The following SPHKAP variants were observed in gnomAD, a reference collection of about 807,000 sequenced individuals.
SPHKAP encodes SPHK1 interactor, AKAP domain containing.
SPHKAP carries 67 observed loss-of-function variants against 137.5 expected under a neutral mutation model. That is an observed-to-expected ratio of 0.49 (90% CI 0.40 to 0.60). The LOEUF (loss-of-function observed/expected upper bound fraction) is 0.60, where lower values mean the gene tolerates loss of function less well. SPHKAP is among the 20% of genes least tolerant of loss of function. SPHKAP has a pLI of 0.00. For synonymous variants in SPHKAP, 813 were observed against 785.3 expected (o/e 1.04, Z -0.59); for missense variants, 2,097 against 2,069.3 (o/e 1.01, Z -0.26).
chr2:228,071,677 T>G (rs1697010291), intron 3 of SPHKAP, among the ~76,000 whole-genome samples: 1 of 152,172 alleles, frequency 6.6e-6, no homozygotes, highest in Non-Finnish European at 1.5e-5. Flanking sequence ...GCTTCACAAA[T>G]TTCATTTTCT....
intron 4 of SPHKAP, chr2:228,025,917 C>T (rs1358631475): frequency 1.6e-5 from 15 of 962,936 alleles, no homozygotes; most frequent in Non-Finnish European, 1.9e-5. Flanking sequence ...CTCTGTGTCC[C>T]CATCCAAATC....
At position 227,986,489 on chromosome 2, in the gene SPHKAP, G is replaced by T. The variant is rs1026375062; in HGVS notation, c.4959+4511C>A. Among the ~76,000 whole-genome samples, 3 of 152,060 alleles carry T rather than the reference G, an allele frequency of 2.0e-5. No homozygotes were observed. The South Asian group carries it at 6.2e-4, about 32-fold the overall frequency. The stretch of plus-strand genomic sequence containing the variant: ...TCAATGTATACTGGTCGGGTGATGG[G>T]TGCACCAAAGTCTCACAAATCACCA... On this transcript the variant is annotated intron_variant, in intron 11 of 11. Transcript: ENST00000392056.
chr2:228,020,215 TTAAG>T (rs1311153918), intron 6 of SPHKAP, 59 bp from the exon 7 acceptor site: 3 of 1,517,888 alleles, frequency 2.0e-6, no homozygotes, highest in Non-Finnish European at 2.6e-6. Flanking sequence ...ACCATAAGTC[TTAAG>T]TAATAATTAC....
At chr2:228,160,708 G>A (rs1700249298) in intron 1 of SPHKAP, among the ~76,000 whole-genome samples, 1 of 152,174 alleles carries the variant, frequency 6.6e-6, no homozygotes, top group African/African-American at 2.4e-5. Flanking sequence ...AAAGATACTT[G>A]ATGGGACAAT....
At chr2:228,180,665 C>T (rs1042331540) in intron 1 of SPHKAP, among the ~76,000 whole-genome samples, 18 of 152,202 alleles carry the variant, frequency 1.2e-4, no homozygotes, top group African/African-American at 4.3e-4. Context: ...CCTTGGCTCC[C>T]GGCGCGAGCG....
chr2:228,143,430 A>G (rs1699667286), intron 1 of SPHKAP, among the ~76,000 whole-genome samples: 1 of 152,034 alleles, frequency 6.6e-6, no homozygotes, highest in Admixed American at 6.6e-5. Flanking sequence ...AAATAATAAT[A>G]ATGACAATAA....
chr2:228,062,628 G>T (rs1696691098), intron 3 of SPHKAP, among the ~76,000 whole-genome samples: 1 of 151,788 alleles, frequency 6.6e-6, no homozygotes, highest in South Asian at 2.1e-4. Flanking sequence ...AAATGCCAAA[G>T]CTGTGTATTT....
intron 3 of SPHKAP, among the ~76,000 whole-genome samples, chr2:228,078,042 G>A (rs2106310794): frequency 1.3e-5 from 2 of 152,260 alleles, no homozygotes; most frequent in Middle Eastern, 6.8e-3. Context: ...ATCCACATAA[G>A]GTGTGACTTG....
At chr2:228,034,710 G>A (rs1388870810) in intron 3 of SPHKAP, among the ~76,000 whole-genome samples, 1 of 152,208 alleles carries the variant, frequency 6.6e-6, no homozygotes, top group Non-Finnish European at 1.5e-5. Context: ...TCCCTGGGAT[G>A]CAAGGCTGGT....
chr2:228,032,350 G>T (rs891702429), intron 3 of SPHKAP, among the ~76,000 whole-genome samples: 2 of 152,204 alleles, frequency 1.3e-5, no homozygotes, highest in South Asian at 4.2e-4. Flanking sequence ...TTAAAAAAAC[G>T]AACAAAGCCT....
At chr2:227,990,577 T>G (rs1000877004) in intron 11 of SPHKAP, among the ~76,000 whole-genome samples, 4 of 152,210 alleles carry the variant, frequency 2.6e-5, no homozygotes, top group Non-Finnish European at 4.4e-5. Flanking sequence ...AACACGAACC[T>G]GTTTGGAAGG....
rs953648736 is a variant in SPHKAP, at chr2:228,181,172, C to A, written c.32+395G>T. 6.6e-6 allele frequency among the ~76,000 whole-genome samples: 1 copy of A among 152,150 alleles called. No individual in the cohort carries two copies. Among genetic ancestry groups the A allele is most frequent in the African/African-American group, 2.4e-5 (1 of 41,424 alleles). On this transcript the variant is annotated intron_variant, in intron 1 of 11. Transcript: ENST00000392056. The surrounding 1 kb of genome is among the most constrained non-coding windows in gnomAD (Gnocchi z 4.3). ...GAAAGCGGGGGTACTTTGCCCTAGC[C>A]CGGTTCCCTCCTGTTTTAGACCTTG...
intron 1 of SPHKAP, among the ~76,000 whole-genome samples, chr2:228,178,236 T>C (rs1457330941): frequency 6.6e-6 from 1 of 152,176 alleles, no homozygotes; most frequent in Non-Finnish European, 1.5e-5. Context: ...AAAAATTTTG[T>C]GGATGACCTA....
intron 3 of SPHKAP, among the ~76,000 whole-genome samples, chr2:228,033,520 C>T (rs1695443642): frequency 6.6e-6 from 1 of 152,146 alleles, no homozygotes; most frequent in Admixed American, 6.5e-5. Flanking sequence ...ATCTCTGCAG[C>T]AAGCAGACCT....
At chr2:228,091,944 C>T (rs1343458990) in intron 3 of SPHKAP, among the ~76,000 whole-genome samples, 3 of 151,826 alleles carry the variant, frequency 2.0e-5, no homozygotes, top group Non-Finnish European at 4.4e-5. Context: ...AAAGAAGTCA[C>T]CATACAAAAA....
chr2:228,080,071 T>G (rs549150172), intron 3 of SPHKAP, among the ~76,000 whole-genome samples: 6 of 152,034 alleles, frequency 3.9e-5, no homozygotes, highest in Non-Finnish European at 7.4e-5. Context: ...TAACAATGTT[T>G]TTTTTTTTAT....
In SPHKAP at chr2:228,108,929, C is replaced by G. The variant is rs747276401; in HGVS notation, c.149G>C (p.Ser50Thr). Residue 50 changes from serine (S) to threonine (T), a missense_variant, in exon 3 of 12, where the codon AGC becomes ACC. Physicochemically the swap from Ser to Thr is moderately conservative, Grantham distance 58 (BLOSUM62 1). Coordinates refer to ENST00000392056, the MANE Select transcript of SPHKAP (RefSeq NM_001142644.2). ...SITACKKVLR[S>T]NSLLESTDYW... ...GTCTGTTGACTCCAGCAGGCTATTG[C>G]TGCGAAGAACCTGGAGGAACCCAGA... is the stretch of plus-strand genomic sequence containing the variant. 1 of 1,597,764 alleles carries G rather than the reference C, an allele frequency of 6.3e-7. No individual in the cohort carries two copies. The highest frequency in any genetic ancestry group is 8.5e-7 in the Non-Finnish European group (1 of 1,175,388).
At chr2:228,141,807 A>C (rs1323748330) in intron 1 of SPHKAP, among the ~76,000 whole-genome samples, 1 of 152,218 alleles carries the variant, frequency 6.6e-6, no homozygotes, top group Non-Finnish European at 1.5e-5. Context: ...TATTAGTGAA[A>C]AACATGAATT....
chr2:228,018,566 G>A lies in SPHKAP; in HGVS notation c.2288C>T (p.Thr763Ile). ...PSDPGASQAW[T>I]KATESSSSSP... ...GCTGCTGGAGGATTCAGTGGCTTTTGTCCAAGCTTGACTAGCACCCGGATC... is the reference window on the plus strand; with the variant it reads ...GCTGCTGGAGGATTCAGTGGCTTTTATCCAAGCTTGACTAGCACCCGGATC... Residue 763 changes from threonine (T) to isoleucine (I), a missense_variant, in exon 7 of 12, where the codon ACA becomes ATA. Coordinates refer to ENST00000392056, the MANE Select transcript of SPHKAP (RefSeq NM_001142644.2). 6.2e-7 allele frequency: 1 copy of A among 1,613,820 alleles called. No homozygotes were observed.
Sources: gnomAD v4.1 joint callset for allele counts (sites outside exome capture counted in the v4.1 genomes callset) on GRCh38, gnomAD v4.1.1 for gene constraint, Gnocchi (gnomAD v3.1) non-coding constraint, MANE v1.5 for transcripts, NCBI Gene and HGNC (gene_info 2026-07-23, HGNC 2026-07-21) for gene names.